Variants in NPEPPS observed in about 807,000 individuals in gnomAD.
NPEPPS encodes the protein aminopeptidase puromycin sensitive.
In NPEPPS, 14 loss-of-function variants were observed where a neutral mutation model predicts 115.5. That is an observed-to-expected ratio of 0.12 (90% CI 0.08 to 0.19). The LOEUF (loss-of-function observed/expected upper bound fraction) is 0.19, where lower values mean the gene tolerates loss of function less well. Among genes scored for constraint, NPEPPS ranks in the 10% least tolerant of loss-of-function variants. The pLI is 1.00. For missense variants in NPEPPS, 523 were observed against 1,110.8 expected, an observed-to-expected ratio of 0.47 and a Z score of 7.52; for synonymous variants, 285 against 390.6, an observed-to-expected ratio of 0.73 and a Z score of 3.19.
chr17:47,537,397 T>A (rs11869730), intron 1 of NPEPPS, among the ~76,000 whole-genome samples: 77,288 of 151,578 alleles, frequency 0.51, 20,217 homozygotes, highest in East Asian at 0.66. Context: ...TAGACATTTT[T>A]AAAAAAGTTT....
intron 2 of NPEPPS, among the ~76,000 whole-genome samples, chr17:47,548,963 AAG>A (rs1909438012): frequency 1.3e-5 from 2 of 152,208 alleles, no homozygotes; most frequent in African/African-American, 4.8e-5. Flanking sequence ...TGTTCTTACT[AAG>A]AGAGTCAGGA....
intron 16 of NPEPPS, 179 bp downstream of exon 16, chr17:47,604,228 T>G (rs375870304): frequency 1.1e-4 from 54 of 484,690 alleles, no homozygotes; most frequent in African/African-American, 1.0e-3. Context: ...ATAATTTAAA[T>G]CCCATTTCAC....
At position 47,559,154 on chromosome 17, in the gene NPEPPS, C is replaced by T. The variant is rs556745911; in HGVS notation, c.341-10263C>T. ...AAACTCCTGGACTCAAGTGATCTTC[C>T]CACCTCAGCCTCCTGAGTAGCTGGA... is the stretch of plus-strand genomic sequence containing the variant. On this transcript the variant is annotated intron_variant, in intron 2 of 22. Transcript: ENST00000322157. Among the ~76,000 whole-genome samples, 9 of 152,260 alleles carry T rather than the reference C, an allele frequency of 5.9e-5. No homozygotes were observed. In the South Asian group the frequency reaches 1.9e-3, roughly 32 times the overall value.
intron 2 of NPEPPS, among the ~76,000 whole-genome samples, chr17:47,555,843 T>C (rs1016279182): frequency 1.3e-5 from 2 of 152,020 alleles, no homozygotes; most frequent in African/African-American, 4.8e-5. Flanking sequence ...AAGGGAATTA[T>C]TATCTTGATA....
chr17:47,615,327 C>T (rs1914137798), intron 19 of NPEPPS, among the ~76,000 whole-genome samples: 2 of 152,168 alleles, frequency 1.3e-5, no homozygotes, highest in African/African-American at 2.4e-5. Flanking sequence ...CCACCCGACT[C>T]GGCCTCCCAA....
intron 3 of NPEPPS, among the ~76,000 whole-genome samples, chr17:47,573,086 C>T (rs981635629): frequency 6.6e-6 from 1 of 152,088 alleles, no homozygotes; most frequent in African/African-American, 2.4e-5. Flanking sequence ...AGAAGAGAAA[C>T]TTTCAAAAAG....
intron 19 of NPEPPS, 71 bp downstream of exon 19, chr17:47,613,796 G>A (rs1284003231): frequency 5.3e-6 from 6 of 1,123,924 alleles, no homozygotes; most frequent in South Asian, 1.4e-5. Context: ...ACCTCTAAAT[G>A]GTTAAAAAAA....
intron 2 of NPEPPS, 80 bp downstream of exon 2, chr17:47,546,073 T>TGTGTGTGTGTGTGAGA: frequency 7.9e-7 from 1 of 1,263,770 alleles, no homozygotes; most frequent in Non-Finnish European, 1.0e-6. Flanking sequence ...TGTGTGTGTG[T>TGTGTGTGTGTGTGAGA]GAGAGAGAGA....
intron 19 of NPEPPS, among the ~76,000 whole-genome samples, chr17:47,618,000 A>C (rs984976316): frequency 6.6e-6 from 1 of 151,970 alleles, no homozygotes; most frequent in East Asian, 1.9e-4. Flanking sequence ...CGGCCTCCCA[A>C]GTAGCTGGGA....
chr17:47,607,571 T>G (rs1034471345), intron 17 of NPEPPS, among the ~76,000 whole-genome samples: 1 of 152,194 alleles, frequency 6.6e-6, no homozygotes, highest in African/African-American at 2.4e-5. Context: ...GAACTTGATT[T>G]GATTTACTCG....
intron 17 of NPEPPS, among the ~76,000 whole-genome samples, chr17:47,611,587 C>T (rs1206323498): frequency 6.6e-6 from 1 of 152,134 alleles, no homozygotes; most frequent in African/African-American, 2.4e-5. Context: ...ATCCTCCCTC[C>T]CCAGCCTCCT....
rs1159530539 is a variant in NPEPPS, at chr17:47,619,090, A to G, written c.2485A>G (p.Lys829Glu). Residue 829 changes from lysine (K) to glutamate (E), a missense_variant, in exon 21 of 23, where the codon AAA becomes GAA. Lys to Glu is a moderately conservative substitution (Grantham distance 56). Around this residue, in one of 4 missense-constraint regions of NPEPPS, gnomAD observed 372 missense variants for 542.6 expected, o/e 0.69. Coordinates refer to ENST00000322157, the MANE Select transcript of NPEPPS (RefSeq NM_006310.4). ...GSKHGRKAAW[K>E]FIKDNWEELY... ...CAAGCATGGTAGGAAAGCTGCTTGG[A>G]AATTCATAAAGGACAACTGGGAAGA... 1.2e-6 allele frequency: 2 copies of G among 1,613,994 alleles called. No homozygotes were observed. Among genetic ancestry groups the G allele is most frequent in the Admixed American group, 3.3e-5 (2 of 60,028 alleles).
chr17:47,585,819 G>A, intron 6 of NPEPPS, 119 bp downstream of exon 6: 1 of 834,898 alleles, frequency 1.2e-6, no homozygotes, highest in Non-Finnish European at 1.9e-6. Context: ...GTGCTACTTG[G>A]TTTATTTTTA....
chr17:47,549,988 G>A (rs1345835444), intron 2 of NPEPPS, among the ~76,000 whole-genome samples: 3 of 144,344 alleles, frequency 2.1e-5, no homozygotes, highest in East Asian at 2.2e-4. Context: ...AGGCTGGAGT[G>A]CAGTGGCGCA....
rs59893483 is a variant in NPEPPS, at chr17:47,610,845, C to CTTTTT, written c.2096-1593_2096-1589dup. ...GAAATTGCTGAGTCATATGATGACTCTTTTTTTTTTTTTTTTTTTTTTTTT... is the reference window on the plus strand; with the variant it reads ...GAAATTGCTGAGTCATATGATGACTCTTTTTTTTTTTTTTTTTTTTTTTTTTTTTT... On this transcript the variant is annotated intron_variant, in intron 17 of 22. Transcript: ENST00000322157. 1.4e-4 allele frequency among the ~76,000 whole-genome samples: 14 copies of CTTTTT among 100,118 alleles called. 2 individuals carry two copies. The highest frequency in any genetic ancestry group is 2.1e-4 in the African/African-American group (5 of 23,978). The allele number at this position is 100,118 out of a possible 152,430, so 65.7% of individuals were successfully genotyped here.
At chr17:47,556,685 A>G (rs1229021757) in intron 2 of NPEPPS, among the ~76,000 whole-genome samples, 2 of 152,078 alleles carry the variant, frequency 1.3e-5, no homozygotes, top group Admixed American at 6.5e-5. Context: ...CACCTCCCGG[A>G]CGGGGCGGCT....
At chr17:47,568,393 A>T (rs1045303121) in intron 2 of NPEPPS, among the ~76,000 whole-genome samples, 2 of 151,868 alleles carry the variant, frequency 1.3e-5, no homozygotes, top group African/African-American at 4.8e-5. Context: ...CTGTTCTCGA[A>T]CTCTTGACCT....
intron 9 of NPEPPS, among the ~76,000 whole-genome samples, chr17:47,588,319 T>C (rs958286062): frequency 6.6e-6 from 1 of 152,168 alleles, no homozygotes; most frequent in Non-Finnish European, 1.5e-5. Context: ...CCCAGCACTT[T>C]GGGAGGCTGA....
At position 47,538,202 on chromosome 17, in the gene NPEPPS, C is replaced by CTTTTTTTTTTTTTTTTTTTT. The variant is rs543559258; in HGVS notation, c.255+6651_255+6670dup. Among the ~76,000 whole-genome samples the CTTTTTTTTTTTTTTTTTTTT allele has an allele frequency of 4.4e-4, 26 of 58,496 alleles. 1 individual carries two copies. Among genetic ancestry groups the CTTTTTTTTTTTTTTTTTTTT allele is most frequent in the South Asian group, 7.8e-4 (1 of 1,278 alleles). The allele number at this position is 58,496 out of a possible 152,430, so 38.4% of individuals were successfully genotyped here. A position where few individuals can be genotyped will look rare whatever the true frequency, so the allele number is the denominator to read the frequency against. ...GCCACCGCGCCTAGCCATATCTGTT[C>CTTTTTTTTTTTTTTTTTTTT]TTTTTTTTTTTTTTTTTTTTTTTGA... On this transcript the variant is annotated intron_variant, in intron 1 of 22. Coordinates refer to ENST00000322157, the MANE Select transcript of NPEPPS (RefSeq NM_006310.4).
Sources: allele counts gnomAD v4.1 joint callset (sites outside exome capture counted in the v4.1 genomes callset), GRCh38; gene constraint gnomAD v4.1.1; regional missense constraint gnomAD v4.1.1; transcripts MANE v1.5; gene names NCBI Gene and HGNC (gene_info 2026-07-23, HGNC 2026-07-21).